PIR: variants seen among roughly 807,000 people sequenced by gnomAD.
The protein encoded by PIR is pirin.
Under a neutral mutation model 24.2 loss-of-function variants are expected in PIR, and 22 were observed. The observed-to-expected ratio is 0.91, with a 90% CI of 0.65 to 1.30. The LOEUF (loss-of-function observed/expected upper bound fraction) is 1.30, where lower values mean the gene tolerates loss of function less well. Ranked by LOEUF, PIR falls within the 50% of genes most tolerant of loss-of-function variation. The pLI is 0.00. For missense variants in PIR, 220 were observed against 220.3 expected (o/e 1.00, Z 0.01); for synonymous variants, 80 against 79.6 (o/e 1.00, Z -0.03).
At chrX:15,410,070 G>A (rs912880055) in intron 6 of PIR, among the ~76,000 whole-genome samples, 3 of 110,813 alleles carry the variant, frequency 2.7e-5, no homozygotes, top group Non-Finnish European at 5.7e-5. Context: ...GGCCAACATG[G>A]TGAAACCCCG....
chrX:15,428,865 C>T (rs1314912256), intron 5 of PIR, among the ~76,000 whole-genome samples: 1 of 111,942 alleles, frequency 8.9e-6, no homozygotes, highest in African/African-American at 3.2e-5. Flanking sequence ...TGGGTTAATT[C>T]GCTCATCTGA....
rs751602550 is a variant in PIR, at chrX:15,491,176, T to C, written c.82A>G (p.Ile28Val). 8.3e-7 allele frequency: 1 copy of C among 1,202,364 alleles called. No homozygotes were observed. Among genetic ancestry groups the C allele is most frequent in the South Asian group, 1.8e-5 (1 of 56,522 alleles). ...AACTAGCATACCTCGGGTCTGCCAA[T>C]GCTTCTCCGGACCCTCGCTCCAACC... ...EGVGARVRRS[I>V]GRPELKNLDP... Residue 28 changes from isoleucine to valine, a missense_variant, in exon 2 of 10, where the codon ATT becomes GTT. Ile to Val is a conservative substitution (Grantham distance 29). Transcript: ENST00000380420.
intron 9 of PIR, among the ~76,000 whole-genome samples, chrX:15,386,004 C>G (rs745650246): frequency 9.0e-6 from 1 of 111,694 alleles, no homozygotes; most frequent in Non-Finnish European, 1.9e-5. Flanking sequence ...CAGAGAGGCA[C>G]TGGACTGTCT....
intron 3 of PIR, among the ~76,000 whole-genome samples, chrX:15,468,715 C>A (rs949824677): frequency 8.9e-6 from 1 of 112,034 alleles, no homozygotes; most frequent in Non-Finnish European, 1.9e-5. Flanking sequence ...CATCAAGAAG[C>A]AATAAAACAT....
At chrX:15,470,743 A>C (rs1274813081) in intron 3 of PIR, among the ~76,000 whole-genome samples, 1 of 108,862 alleles carries the variant, frequency 9.2e-6, no homozygotes, top group African/African-American at 3.4e-5. Flanking sequence ...CTGGGATTAC[A>C]GGCGCCCACC....
intron 5 of PIR, among the ~76,000 whole-genome samples, chrX:15,433,822 A>G (rs1283563052): frequency 7.9e-5 from 1 of 12,680 alleles, no homozygotes; most frequent in African/African-American, 3.4e-4. Context: ...GAGGAAGGAG[A>G]AAGAAGGAGG....
intron 5 of PIR, among the ~76,000 whole-genome samples, chrX:15,443,970 A>C (rs748656886): frequency 8.9e-6 from 1 of 112,724 alleles, no homozygotes; most frequent in Admixed American, 9.4e-5. Flanking sequence ...TCTCCTGGTG[A>C]AGATGCTGTA....
In PIR at chrX:15,448,431, C is replaced by T. The variant is rs139918182; in HGVS notation, c.480+7417G>A. ...CAGGCTACATGGCCTGTAGCAGGCA[C>T]GTCCCGTAGAATGAACTGCTTCATG... On this transcript the variant is annotated intron_variant, in intron 5 of 9. Coordinates refer to ENST00000380420, the MANE Select transcript of PIR (RefSeq NM_001018109.3). 3.1e-3 allele frequency among the ~76,000 whole-genome samples: 353 copies of T among 112,267 alleles called. 2 individuals carry two copies. The highest frequency in any genetic ancestry group is 0.011 in the African/African-American group (337 of 30,906).
intron 6 of PIR, 46 bp downstream of exon 6, chrX:15,425,860 T>C: frequency 1.6e-6 from 1 of 623,294 alleles, no homozygotes; most frequent in Non-Finnish European, 2.4e-6. Flanking sequence ...TTTTCTTTTC[T>C]TTTTTTTTTC....
Position 15,407,544 on chromosome X carries a change from GTCC to G in PIR, c.569_571del (p.Trp190_Thr191delinsSer). On this transcript the variant is annotated inframe_deletion, in exon 7 of 10. Transcript: ENST00000380420. ...TCCAGATATCGTGTAAATGAAGCTT[GTCC>G]ACCCTGGAAAGGACCAGCAACATTA... 8.3e-7 allele frequency: 1 copy of G among 1,198,808 alleles called. No homozygotes were observed. Among genetic ancestry groups the G allele is most frequent in the African/African-American group, 1.7e-5 (1 of 57,613 alleles).
At chrX:15,386,784 G>A (rs1923765988) in intron 9 of PIR, among the ~76,000 whole-genome samples, 1 of 111,001 alleles carries the variant, frequency 9.0e-6, no homozygotes, top group Non-Finnish European at 1.9e-5. Context: ...CTGAAATATA[G>A]GAAGAAACCA....
chrX:15,459,657 C>T lies in PIR; in HGVS notation c.273G>A (p.Gln91=). The change falls in exon 4 of 10, where the codon CAG becomes CAA. Residue 91 remains glutamine (Q), a splice_region_variant and synonymous_variant. Transcript: ENST00000380420. ...HTGKMNPGDL[Q]WMTAGRGILH... is the part of the protein sequence containing the mutation. ...AGCAATTCCTTGTCCTTGGCCATACCTGCAAATCTCCTGGGTTCATTTTAC... is the reference window on the plus strand; with the variant it reads ...AGCAATTCCTTGTCCTTGGCCATACTTGCAAATCTCCTGGGTTCATTTTAC... The T allele has an allele frequency of 8.5e-7, 1 of 1,177,431 alleles. No individual in the cohort carries two copies. The highest frequency in any genetic ancestry group is 1.2e-6 in the Non-Finnish European group (1 of 864,639).
intron 5 of PIR, among the ~76,000 whole-genome samples, chrX:15,434,047 A>C (rs777492361): frequency 1.8e-4 from 11 of 62,231 alleles, no homozygotes; most frequent in African/African-American, 6.5e-4. Flanking sequence ...AAGGAGAAAG[A>C]AGGAGGAGGA....
chrX:15,417,525 T>G (rs773020635), intron 6 of PIR, among the ~76,000 whole-genome samples: 1 of 111,809 alleles, frequency 8.9e-6, no homozygotes, highest in African/African-American at 3.2e-5. Context: ...TATATTGGTG[T>G]ATCAGTTTCC....
chrX:15,487,682 C>G (rs1021125140), intron 2 of PIR, among the ~76,000 whole-genome samples: 2 of 112,212 alleles, frequency 1.8e-5, no homozygotes. Context: ...CACAGAGGAA[C>G]CACTCCCTAG....
At position 15,427,671 on chromosome X, in the gene PIR, GAATA is replaced by G. The variant is rs765381923; in HGVS notation, c.481-1685_481-1682del. Among the ~76,000 whole-genome samples, 5 of 106,301 alleles carry G rather than the reference GAATA, an allele frequency of 4.7e-5. No individual in the cohort carries two copies. The South Asian group carries it at 2.1e-3, about 44-fold the overall frequency. The allele number at this position is 106,301 out of a possible 115,157, so 92.3% of individuals were successfully genotyped here. A position where few individuals can be genotyped will look rare whatever the true frequency, so the allele number is the denominator to read the frequency against. On this transcript the variant is annotated intron_variant, in intron 5 of 9. Transcript: ENST00000380420. ...TATATGTATATATGAAGATATATATGAATATATGTACTGACAGTACATACACACA... is the reference window on the plus strand; with the variant it reads ...TATATGTATATATGAAGATATATATGTATGTACTGACAGTACATACACACA...
chrX:15,406,858 C>G (rs1271915552), intron 7 of PIR, among the ~76,000 whole-genome samples: 2 of 112,034 alleles, frequency 1.8e-5, no homozygotes, highest in Non-Finnish European at 3.8e-5. Context: ...GGTGCTATCT[C>G]TGCATTGTCA....
chrX:15,398,110 G>GTT (rs1569193442), intron 7 of PIR, among the ~76,000 whole-genome samples: 4 of 108,531 alleles, frequency 3.7e-5, no homozygotes, highest in Admixed American at 9.9e-5. Context: ...GGTGGGGGTA[G>GTT]GGGGGAGGGA....
intron 8 of PIR, among the ~76,000 whole-genome samples, chrX:15,395,713 C>A (rs1005159829): frequency 3.6e-5 from 4 of 112,536 alleles, no homozygotes; most frequent in Admixed American, 1.9e-4. Flanking sequence ...TTCAGAATTT[C>A]TTTTCTGCTG....
Sources: gnomAD v4.1 joint callset for allele counts (sites outside exome capture counted in the v4.1 genomes callset) on GRCh38, gnomAD v4.1.1 for gene constraint, MANE v1.5 for transcripts, NCBI Gene and HGNC (gene_info 2026-07-23, HGNC 2026-07-21) for gene names.